The following SLC9B1 variants were observed in gnomAD, a reference collection of about 807,000 sequenced individuals.
The protein encoded by SLC9B1 is sodium/hydrogen exchanger 9B1.
Under a neutral mutation model 51.7 loss-of-function variants are expected in SLC9B1, and 32 were observed. The ratio of observed to expected loss-of-function variants is 0.62; its 90% CI spans 0.47 to 0.83. SLC9B1 has a LOEUF of 0.83. Ranked by LOEUF, SLC9B1 falls within the 40% of genes least tolerant of loss-of-function variation. The pLI is 0.00. For synonymous variants in SLC9B1, 145 were observed against 212.7 expected (o/e 0.68, Z 2.77); for missense variants, 406 against 613.2 (o/e 0.66, Z 3.57).
At chr4:102,912,102 C>A in intron 7 of SLC9B1, 1 of 171,710 alleles carries the variant, frequency 5.8e-6, no homozygotes, top group Non-Finnish European at 1.3e-5. Flanking sequence ...CACCACACTC[C>A]AGCCTGGGTG....
chr4:102,970,514 G>A (rs1011895656), intron 3 of SLC9B1, among the ~76,000 whole-genome samples: 5 of 152,132 alleles, frequency 3.3e-5, no homozygotes, highest in African/African-American at 1.2e-4. Flanking sequence ...GTAATAACCA[G>A]TACCAGCCAC....
chr4:102,889,620 T>G (rs1734134224), intron 11 of SLC9B1: 1 of 142,444 alleles, frequency 7.0e-6, no homozygotes, highest in Non-Finnish European at 1.5e-5. Context: ...GGTTGTACTC[T>G]CAGAATAAAG....
At chr4:102,923,097 CACA>C (rs1474269193) in intron 7 of SLC9B1, among the ~76,000 whole-genome samples, 1 of 152,038 alleles carries the variant, frequency 6.6e-6, no homozygotes, top group Non-Finnish European at 1.5e-5. Flanking sequence ...CTGGCAGGGA[CACA>C]ACAACAACAA....
intron 3 of SLC9B1, among the ~76,000 whole-genome samples, chr4:102,975,208 T>C (rs897788532): frequency 2.6e-5 from 4 of 152,114 alleles, no homozygotes; most frequent in African/African-American, 9.7e-5. Context: ...GAAGTCTCAC[T>C]ATGTTGCCCA....
Position 102,940,671 on chromosome 4 carries a change from T to C in SLC9B1, c.653+4522A>G, listed in dbSNP as rs191291970. ...GCATGGTTATGCTCAGCAAAAGAAA[T>C]AATCAGCAGAGTAAAAAGACAACCT... On this transcript the variant is annotated intron_variant, in intron 6 of 11. Coordinates refer to ENST00000296422, the MANE Select transcript of SLC9B1 (RefSeq NM_139173.4). 1.5e-3 allele frequency among the ~76,000 whole-genome samples: 221 copies of C among 152,116 alleles called. 2 individuals carry two copies. The highest frequency in any genetic ancestry group is 5.2e-3 in the African/African-American group (217 of 41,536).
intron 1 of SLC9B1, among the ~76,000 whole-genome samples, chr4:102,995,149 T>A (rs745865168): frequency 6.7e-4 from 102 of 152,176 alleles, no homozygotes; most frequent in Non-Finnish European, 1.2e-3. Flanking sequence ...ATTTACACAC[T>A]TAATAATTTT....
At chr4:103,002,577 T>C (rs1470606619) in intron 1 of SLC9B1, among the ~76,000 whole-genome samples, 1 of 152,136 alleles carries the variant, frequency 6.6e-6, no homozygotes, top group Non-Finnish European at 1.5e-5. Flanking sequence ...CTTTAGGAAG[T>C]AAAAAAGAGT....
intron 11 of SLC9B1, chr4:102,891,197 A>T (rs1259665639): frequency 6.8e-6 from 1 of 147,148 alleles, no homozygotes; most frequent in African/African-American, 2.7e-5. Flanking sequence ...CTTCTTTTTA[A>T]AAAATTTTTA....
chr4:102,919,060 T>C (rs1735729115), intron 7 of SLC9B1, among the ~76,000 whole-genome samples: 1 of 152,212 alleles, frequency 6.6e-6, no homozygotes, highest in African/African-American at 2.4e-5. Flanking sequence ...AGCAAAGCTC[T>C]GGGCCTGGCC....
intron 11 of SLC9B1, among the ~76,000 whole-genome samples, chr4:102,886,940 T>C (rs1406779918): frequency 6.6e-6 from 1 of 152,220 alleles, no homozygotes; most frequent in African/African-American, 2.4e-5. Context: ...TTTCAAAAAT[T>C]GTGTGGTATG....
intron 9 of SLC9B1, among the ~76,000 whole-genome samples, chr4:102,907,937 T>A (rs1346758130): frequency 1.3e-5 from 2 of 152,262 alleles, no homozygotes; most frequent in Non-Finnish European, 2.9e-5. Flanking sequence ...TTAATTTTAT[T>A]TATTGATTTG....
At chr4:102,896,318 T>C (rs1734535131), downstream of SLC9B1, among the ~76,000 whole-genome samples, 2 of 152,198 alleles carry the variant, frequency 1.3e-5, no homozygotes. Flanking sequence ...CCTGACGAGA[T>C]CATCCAGATA....
At chr4:103,007,421 A>G (rs1204616366) in intron 1 of SLC9B1, among the ~76,000 whole-genome samples, 1 of 152,168 alleles carries the variant, frequency 6.6e-6, no homozygotes, top group African/African-American at 2.4e-5. Context: ...AGGGAAGTGA[A>G]GGATCTCTAC....
At chr4:102,992,610 T>A (rs1234243546) in intron 1 of SLC9B1, among the ~76,000 whole-genome samples, 1 of 152,132 alleles carries the variant, frequency 6.6e-6, no homozygotes, top group East Asian at 1.9e-4. Context: ...TAAAATCCTA[T>A]AAAGAATCAT....
chr4:102,973,988 C>A (rs1246902783), intron 3 of SLC9B1, among the ~76,000 whole-genome samples: 2 of 152,024 alleles, frequency 1.3e-5, no homozygotes, highest in Non-Finnish European at 2.9e-5. Context: ...GTAATCCCAG[C>A]ACTTTGGGAG....
intron 11 of SLC9B1, among the ~76,000 whole-genome samples, chr4:102,886,563 TGTG>T (rs2110402335): frequency 6.6e-6 from 1 of 152,138 alleles, no homozygotes; most frequent in South Asian, 2.1e-4. Context: ...ATTATTATTA[TGTG>T]TATCTGGATG....
chr4:102,971,056 A>C (rs918487899), intron 3 of SLC9B1, among the ~76,000 whole-genome samples: 5 of 152,170 alleles, frequency 3.3e-5, no homozygotes, highest in African/African-American at 1.2e-4. Context: ...TTAACACCCC[A>C]CTGTCAATAT....
At chr4:102,985,529 A>ATTTTC (rs1739567755) in intron 3 of SLC9B1, among the ~76,000 whole-genome samples, 1 of 122,066 alleles carries the variant, frequency 8.2e-6, no homozygotes, top group Non-Finnish European at 1.6e-5. Flanking sequence ...ATACAAATCC[A>ATTTTC]TTTTCTTTTC....
chr4:102,958,430 A>T (rs1450935462), intron 3 of SLC9B1, among the ~76,000 whole-genome samples: 2 of 152,210 alleles, frequency 1.3e-5, no homozygotes, highest in South Asian at 4.1e-4. Flanking sequence ...CTTATAAATT[A>T]TCGAGTCTCA....
Sources: gnomAD v4.1 joint callset for allele counts (sites outside exome capture counted in the v4.1 genomes callset) on GRCh38, gnomAD v4.1.1 for gene constraint, MANE v1.5 for transcripts, NCBI Gene and HGNC (gene_info 2026-07-23, HGNC 2026-07-21) for gene names.